GLS: variants seen among roughly 807,000 people sequenced by gnomAD.
The protein encoded by GLS is glutaminase kidney isoform, mitochondrial.
GLS carries 36 observed loss-of-function variants against 86.7 expected under a neutral mutation model. The ratio of observed to expected loss-of-function variants is 0.42; its 90% CI spans 0.32 to 0.55. The LOEUF (loss-of-function observed/expected upper bound fraction) is 0.55. GLS is among the 20% of genes least tolerant of loss of function. GLS has a pLI of 0.17. For synonymous variants in GLS, 317 were observed against 305.9 expected (o/e 1.04, Z -0.38); for missense variants, 528 against 833.4 (o/e 0.63, Z 4.51).
chr2:190,959,436 G>T (rs889647151), intron 17 of GLS, among the ~76,000 whole-genome samples: 1 of 152,002 alleles, frequency 6.6e-6, no homozygotes, highest in Non-Finnish European at 1.5e-5. Flanking sequence ...GGTTAATATT[G>T]TTATGTGTGA....
In GLS at chr2:190,953,497, C is replaced by A; in HGVS notation, c.1651-68C>A. On this transcript the variant is annotated intron_variant, in intron 14 of 17. Transcript: ENST00000320717. The surrounding 1 kb of genome is among the most constrained non-coding windows in gnomAD (Gnocchi z 4.0). ...TTCAAAGCACATGGAAATCACTTGC[C>A]AGTGACAGGTGGACGTTGTATGTGT... 1 of 1,015,772 alleles carries A rather than the reference C, an allele frequency of 9.8e-7. No homozygotes were observed. The highest frequency in any genetic ancestry group is 1.6e-6 in the Non-Finnish European group (1 of 636,514). The allele number at this position is 1,015,772 out of a possible 1,614,324, so 62.9% of individuals were successfully genotyped here. A position where few individuals can be genotyped will look rare whatever the true frequency, so the allele number is the denominator to read the frequency against.
intron 12 of GLS, among the ~76,000 whole-genome samples, chr2:190,928,543 C>G (rs1430207268): frequency 6.6e-6 from 1 of 151,842 alleles, no homozygotes; most frequent in Non-Finnish European, 1.5e-5. Flanking sequence ...CCATGTTGGC[C>G]AGGCTGTTCT....
At position 190,913,280 on chromosome 2, in the gene GLS, A is replaced by G; in HGVS notation, c.1038+2959A>G. On this transcript the variant is annotated intron_variant, in intron 7 of 17. Transcript: ENST00000320717. This position sits in a 1 kb window ranked among gnomAD's most constrained non-coding sequence, Gnocchi z 6.1. ...GATTGTGGAAAAAAGGAGAATTTGGACAGAAGGAGCCTGTTGCATAAATTC... is the reference window on the plus strand; with the variant it reads ...GATTGTGGAAAAAAGGAGAATTTGGGCAGAAGGAGCCTGTTGCATAAATTC... 1.5e-6 allele frequency: 2 copies of G among 1,298,640 alleles called. No homozygotes were observed. Among genetic ancestry groups the G allele is most frequent in the Non-Finnish European group, 2.0e-6 (2 of 987,034 alleles). The allele number at this position is 1,298,640 out of a possible 1,614,324, so 80.4% of individuals were successfully genotyped here. A position where few individuals can be genotyped will look rare whatever the true frequency, so the allele number is the denominator to read the frequency against.
chr2:190,943,281 C>T lies in GLS; in HGVS notation c.1651-10284C>T, dbSNP rs16833069. On this transcript the variant is annotated intron_variant, in intron 14 of 17. Coordinates refer to ENST00000320717, the MANE Select transcript of GLS (RefSeq NM_014905.5). This position sits in a 1 kb window ranked among gnomAD's most constrained non-coding sequence, Gnocchi z 4.5. ...AAACTTAGAGCAGTGTAAGTTGGAGCTATAATTTTGTGAGTGGTCAGTATG... is the reference window on the plus strand; with the variant it reads ...AAACTTAGAGCAGTGTAAGTTGGAGTTATAATTTTGTGAGTGGTCAGTATG... 5.3e-3 allele frequency among the ~76,000 whole-genome samples: 813 copies of T among 152,134 alleles called. 8 individuals carry two copies. The highest frequency in any genetic ancestry group is 0.019 in the African/African-American group (770 of 41,478).
intron 7 of GLS, among the ~76,000 whole-genome samples, chr2:190,918,115 A>C (rs745816182): frequency 3.4e-4 from 52 of 152,170 alleles, no homozygotes; most frequent in Non-Finnish European, 1.3e-4. Flanking sequence ...TTAAGGTTAC[A>C]AGCTGCCTTA....
At position 190,949,887 on chromosome 2, in the gene GLS, C is replaced by T. The variant is rs912711190; in HGVS notation, c.1651-3678C>T. ...ACAAGTGGTCTCTGCCCACATGGAG[C>T]CTATATTTAATGAGAGAGACAAAAA... On this transcript the variant is annotated intron_variant, in intron 14 of 17. Transcript: ENST00000320717. This position sits in a 1 kb window ranked among gnomAD's most constrained non-coding sequence, Gnocchi z 4.0. Among the ~76,000 whole-genome samples the T allele has an allele frequency of 4.0e-5, 6 of 150,018 alleles. No individual in the cohort carries two copies. The highest frequency in any genetic ancestry group is 1.2e-4 in the African/African-American group (5 of 40,694).
intron 7 of GLS, among the ~76,000 whole-genome samples, chr2:190,918,637 C>T (rs1689625831): frequency 6.6e-6 from 1 of 152,050 alleles, no homozygotes; most frequent in African/African-American, 2.4e-5. Flanking sequence ...GCAAAGGAAA[C>T]TTCATTTACA....
rs761274177 is a variant in GLS, at chr2:190,921,630, G to A, written c.1130+427G>A. Reference sequence around the variant, plus strand: ...CTTTAGATAGATAAAAAATATGTATGTATACCTCTAAACACAAATATGTAA... The same window carrying A: ...CTTTAGATAGATAAAAAATATGTATATATACCTCTAAACACAAATATGTAA... On this transcript the variant is annotated intron_variant, in intron 9 of 17. Transcript: ENST00000320717. The surrounding 1 kb of genome is among the most constrained non-coding windows in gnomAD (Gnocchi z 4.2). 4.0e-5 allele frequency among the ~76,000 whole-genome samples: 6 copies of A among 151,758 alleles called. No homozygotes were observed. Among genetic ancestry groups the A allele is most frequent in the Non-Finnish European group, 7.4e-5 (5 of 67,838 alleles).
chr2:190,913,118 C>A lies in GLS; in HGVS notation c.1038+2797C>A, dbSNP rs1689417229. The A allele has an allele frequency of 9.6e-6, 12 of 1,246,494 alleles. No individual in the cohort carries two copies. Among genetic ancestry groups the A allele is most frequent in the African/African-American group, 1.5e-5 (1 of 64,660 alleles). The allele number at this position is 1,246,494 out of a possible 1,614,324, so 77.2% of individuals were successfully genotyped here. On this transcript the variant is annotated intron_variant, in intron 7 of 17. Transcript: ENST00000320717. This position sits in a 1 kb window ranked among gnomAD's most constrained non-coding sequence, Gnocchi z 6.1. ...CATTTTCTTCATGTTAATCCCCCCA[C>A]CCCAAAATTAAGTAGAGTCTTTAGT...
chr2:190,960,359 ATTTTT>A (rs770419477), intron 17 of GLS, among the ~76,000 whole-genome samples: 2 of 101,484 alleles, frequency 2.0e-5, no homozygotes, highest in East Asian at 2.5e-4. Flanking sequence ...TTAAGCTTCA[ATTTTT>A]TTTTTTTTTT....
chr2:190,925,867 C>T (rs948679225), intron 11 of GLS, among the ~76,000 whole-genome samples: 1 of 152,098 alleles, frequency 6.6e-6, no homozygotes, highest in Non-Finnish European at 1.5e-5. Flanking sequence ...GTAGTATATG[C>T]GTCACCTGCC....
intron 7 of GLS, among the ~76,000 whole-genome samples, chr2:190,911,150 C>G (rs1455517993): frequency 2.6e-5 from 4 of 151,112 alleles, no homozygotes; most frequent in Admixed American, 6.6e-5. Flanking sequence ...TAAATCTGTG[C>G]CTATCTATTC....
At chr2:190,931,466 G>T in intron 13 of GLS, 79 bp from the exon 14 acceptor site, 1 of 614,478 alleles carries the variant, frequency 1.6e-6, no homozygotes, top group Non-Finnish European at 2.9e-6. Context: ...GACGATATAA[G>T]CAGAGTTTGT....
chr2:190,958,091 T>C (rs1382084108), intron 17 of GLS, among the ~76,000 whole-genome samples: 1 of 152,226 alleles, frequency 6.6e-6, no homozygotes, highest in Non-Finnish European at 1.5e-5. Flanking sequence ...CAGAGGCTAT[T>C]AATTACTGCC....
intron 1 of GLS, among the ~76,000 whole-genome samples, chr2:190,888,387 C>T (rs1688457504): frequency 6.6e-6 from 1 of 152,100 alleles, no homozygotes; most frequent in Non-Finnish European, 1.5e-5. Context: ...ATTTCTCTGC[C>T]ATATTAAAAC....
chr2:190,881,101 G>A lies in GLS; in HGVS notation c.17G>A (p.Gly6Asp), dbSNP rs576237236. The change falls in exon 1 of 18, where the codon GGC becomes GAC. Residue 6 changes from glycine to aspartate, a missense_variant. Transcript: ENST00000320717. ...CCCGGCGGCATGATGCGGCTGCGAG[G>A]CTCGGGGATGCTGCGGGACCTGCTC... MMRLR[G>D]SGMLRDLLLR... 1 of 1,561,574 alleles carries A rather than the reference G, an allele frequency of 6.4e-7. No homozygotes were observed. The highest frequency in any genetic ancestry group is 1.8e-5 in the Admixed American group (1 of 54,466).
chr2:190,947,845 T>C lies in GLS; in HGVS notation c.1651-5720T>C, dbSNP rs140170911. Among the ~76,000 whole-genome samples, 54 of 152,314 alleles carry C rather than the reference T, an allele frequency of 3.5e-4. No individual in the cohort carries two copies. The highest frequency in any genetic ancestry group is 7.2e-4 in the Non-Finnish European group (49 of 68,034). ...CTGATCTTCTAGAGTGCCCCTCTCC[T>C]TCAGTTTGTTTGCTATGATAGGCAT... On this transcript the variant is annotated intron_variant, in intron 14 of 17. Coordinates refer to ENST00000320717, the MANE Select transcript of GLS (RefSeq NM_014905.5). This position sits in a 1 kb window ranked among gnomAD's most constrained non-coding sequence, Gnocchi z 5.0.
chr2:190,890,322 T>C (rs777352373), intron 1 of GLS, among the ~76,000 whole-genome samples: 15 of 152,102 alleles, frequency 9.9e-5, no homozygotes, highest in African/African-American at 2.9e-4. Context: ...TAGCTGGGAC[T>C]GTAGGTGCAT....
At chr2:190,948,435 T>C (rs1169733250) in intron 14 of GLS, among the ~76,000 whole-genome samples, 1 of 152,176 alleles carries the variant, frequency 6.6e-6, no homozygotes, top group African/African-American at 2.4e-5. Flanking sequence ...AAATGGACTT[T>C]TAGAACGTTT....
Sources: allele counts gnomAD v4.1 joint callset (sites outside exome capture counted in the v4.1 genomes callset), GRCh38; gene constraint gnomAD v4.1.1; non-coding constraint Gnocchi (gnomAD v3.1); transcripts MANE v1.5; gene names NCBI Gene and HGNC (gene_info 2026-07-23, HGNC 2026-07-21).